The following BRWD3 variants were observed in gnomAD, a reference collection of about 807,000 sequenced individuals.
BRWD3 encodes bromodomain and WD repeat-containing protein 3.
In BRWD3, 10 loss-of-function variants were observed where a neutral mutation model predicts 149.7. The ratio of observed to expected loss-of-function variants is 0.07; its 90% CI spans 0.04 to 0.11. The LOEUF is 0.11. Ranked by LOEUF, BRWD3 falls within the 10% of genes least tolerant of loss-of-function variation. The pLI, the probability that BRWD3 is intolerant of heterozygous loss-of-function variation, is 1.00. For synonymous variants in BRWD3, 504 were observed against 456.7 expected (o/e 1.10, Z -1.32); for missense variants, 940 against 1,373.2 (o/e 0.68, Z 4.99).
Position 80,682,060 on chromosome X carries a change from G to C in BRWD3, c.4432C>G (p.Pro1478Ala). Residue 1478 changes from proline to alanine, a missense_variant, in exon 39 of 41, where the codon CCT becomes GCT. This residue lies in a region of BRWD3 where 349 missense variants were observed against 419.6 expected (regional missense o/e 0.83). Transcript: ENST00000373275. ...ACTGAGGTATTCTGGTCATTTTTAG[G>C]CTGCAACTTCATTTGTTTCTGCTTC... is the stretch of plus-strand genomic sequence containing the variant. ...KGKQKQMKLQ[P>A]KNDQNTSVSH... 8.3e-7 allele frequency: 1 copy of C among 1,209,076 alleles called. No homozygotes were observed. Among genetic ancestry groups the C allele is most frequent in the Non-Finnish European group, 1.1e-6 (1 of 893,781 alleles).
chrX:80,735,921 T>C, intron 9 of BRWD3, 67 bp downstream of exon 9: 3 of 681,707 alleles, frequency 4.4e-6, no homozygotes, highest in Non-Finnish European at 6.9e-6. Flanking sequence ...ATACATGGAC[T>C]ATTAAGAATC....
At chrX:80,793,498 A>G in intron 5 of BRWD3, 124 bp downstream of exon 5, 2 of 778,250 alleles carry the variant, frequency 2.6e-6, no homozygotes, top group Non-Finnish European at 3.6e-6. Context: ...GAAAACAAAA[A>G]CAACATTGGC....
chrX:80,704,729 A>T lies in BRWD3; in HGVS notation c.2670T>A (p.Asn890Lys). 1 of 1,209,433 alleles carries T rather than the reference A, an allele frequency of 8.3e-7. No individual in the cohort carries two copies. Residue 890 changes from asparagine to lysine, a missense_variant, in exon 23 of 41, where the codon AAT becomes AAA. Physicochemically the swap from Asn to Lys is moderately conservative, Grantham distance 94. Transcript: ENST00000373275. ...TCTGCCTTTCTTCTAGGGACTTCAA[A>T]TTTTCCTCATCAGAGCTGCTGCATA... Reference protein sequence around the residue: ...RKICSSSDEENLKSLEERQKK... With the variant: ...RKICSSSDEEKLKSLEERQKK...
At chrX:80,779,193 C>A (rs772227764) in intron 6 of BRWD3, among the ~76,000 whole-genome samples, 23 of 109,717 alleles carry the variant, frequency 2.1e-4, no homozygotes, top group African/African-American at 6.0e-4. Flanking sequence ...CGCATGCCTG[C>A]AATCCCAGCT....
intron 6 of BRWD3, among the ~76,000 whole-genome samples, chrX:80,766,884 T>A (rs1250449902): frequency 8.9e-6 from 1 of 112,069 alleles, no homozygotes; most frequent in African/African-American, 3.2e-5. Context: ...AGACAGCACC[T>A]GGAAAACTGG....
intron 40 of BRWD3, among the ~76,000 whole-genome samples, chrX:80,679,813 A>T (rs903218643): frequency 1.6e-4 from 18 of 111,210 alleles, no homozygotes; most frequent in African/African-American, 5.2e-4. Flanking sequence ...GTCGGGACAG[A>T]CACCGTACTA....
chrX:80,743,985 T>C, intron 8 of BRWD3, 47 bp downstream of exon 8: 1 of 1,033,335 alleles, frequency 9.7e-7, no homozygotes, highest in Admixed American at 2.3e-5. Flanking sequence ...CAGAGAATTC[T>C]CACCTTTTTT....
At chrX:80,773,286 A>G (rs767558942) in intron 6 of BRWD3, among the ~76,000 whole-genome samples, 7 of 111,342 alleles carry the variant, frequency 6.3e-5, no homozygotes, top group Non-Finnish European at 1.1e-4. Context: ...CTGAGTCTTA[A>G]GCCAAACATC....
At chrX:80,697,981 T>C (rs1042875806) in intron 25 of BRWD3, among the ~76,000 whole-genome samples, 2 of 112,359 alleles carry the variant, frequency 1.8e-5, no homozygotes, top group South Asian at 7.4e-4. Context: ...TTTGTTTGTT[T>C]TGAATTTTTA....
intron 6 of BRWD3, among the ~76,000 whole-genome samples, 172 bp from the exon 7 acceptor site, chrX:80,745,901 A>G (rs1345597318): frequency 9.0e-6 from 1 of 110,945 alleles, no homozygotes; most frequent in Non-Finnish European, 1.9e-5. Flanking sequence ...CCAGTTTACT[A>G]CAAGAAAGCA....
Position 80,695,951 on chromosome X carries a change from T to A in BRWD3, c.3108A>T (p.Leu1036=). 1 of 1,210,597 alleles carries A rather than the reference T, an allele frequency of 8.3e-7. No homozygotes were observed. The highest frequency in any genetic ancestry group is 1.8e-5 in the South Asian group (1 of 56,919). Residue 1036 remains leucine (L), a synonymous_variant, in exon 27 of 41, where the codon CTA becomes CTT. Coordinates refer to ENST00000373275, the MANE Select transcript of BRWD3 (RefSeq NM_153252.5). Reference sequence around the variant, plus strand: ...CTTTGGCTTCATTATAAAACTGATGTAGCACAAGGAAGTCAATGACATCCG... The same window carrying A: ...CTTTGGCTTCATTATAAAACTGATGAAGCACAAGGAAGTCAATGACATCCG... The part of the protein sequence containing the change: ...DMPDVIDFLV[L]HQFYNEAKER...
chrX:80,753,026 T>C (rs897501676), intron 6 of BRWD3, among the ~76,000 whole-genome samples: 1 of 111,769 alleles, frequency 8.9e-6, no homozygotes, highest in Non-Finnish European at 1.9e-5. Context: ...TACCTATTTA[T>C]GTCTTTAACC....
At chrX:80,684,216 T>C in intron 36 of BRWD3, 54 bp from the exon 37 acceptor site, 4 of 1,084,057 alleles carry the variant, frequency 3.7e-6, no homozygotes, top group Non-Finnish European at 5.1e-6. Flanking sequence ...AGGAATACAA[T>C]GGGACTAAAA....
At chrX:80,800,441 G>A (rs1472335369) in intron 4 of BRWD3, among the ~76,000 whole-genome samples, 2 of 105,916 alleles carry the variant, frequency 1.9e-5, no homozygotes, top group African/African-American at 6.9e-5. Context: ...ATCAGAGGCT[G>A]AGGTGGGAGG....
At position 80,676,937 on chromosome X, in the gene BRWD3, C is replaced by T. The variant is rs1332082581; in HGVS notation, c.5081G>A (p.Arg1694Gln). The T allele has an allele frequency of 2.5e-6, 3 of 1,202,060 alleles. No homozygotes were observed. Among genetic ancestry groups the T allele is most frequent in the Non-Finnish European group, 3.4e-6 (3 of 887,263 alleles). ...ACCTCCACCTCTTCCTCGACTCCCT[C>T]GTCCCCTGCCTCCTCTTCCTCTGCC... ...RGGRGRGGRG[R>Q]GSRGRGGGGT... Residue 1694 changes from arginine to glutamine, a missense_variant, in exon 41 of 41, where the codon CGA (arginine) becomes CAA (glutamine). Around this residue, in one of 6 missense-constraint regions of BRWD3, gnomAD observed 349 missense variants for 419.6 expected, o/e 0.83. Coordinates refer to ENST00000373275, the MANE Select transcript of BRWD3 (RefSeq NM_153252.5).
chrX:80,696,454 CAT>C (rs965227597), intron 26 of BRWD3, among the ~76,000 whole-genome samples: 4 of 106,831 alleles, frequency 3.7e-5, no homozygotes, highest in Non-Finnish European at 7.7e-5. Context: ...CAAATGAAGA[CAT>C]AAATTCAGAG....
At chrX:80,796,911 T>G (rs1375724360) in intron 4 of BRWD3, among the ~76,000 whole-genome samples, 2 of 111,617 alleles carry the variant, frequency 1.8e-5, no homozygotes, top group Non-Finnish European at 3.8e-5. Context: ...CGGTGGCTCA[T>G]GCCTGTAATC....
chrX:80,677,501 C>A, intron 40 of BRWD3, 138 bp from the exon 41 acceptor site: 1 of 907,153 alleles, frequency 1.1e-6, no homozygotes, highest in Non-Finnish European at 1.5e-6. Flanking sequence ...ACTTAAATTT[C>A]TTCAAAATAG....
At chrX:80,789,020 A>T (rs2074146471) in intron 6 of BRWD3, among the ~76,000 whole-genome samples, 1 of 111,996 alleles carries the variant, frequency 8.9e-6, no homozygotes, top group South Asian at 3.7e-4. Context: ...ATTTGTCAAA[A>T]CTTATTGAAC....
Sources: gnomAD v4.1 joint callset for allele counts (sites outside exome capture counted in the v4.1 genomes callset) on GRCh38, gnomAD v4.1.1 for gene constraint, gnomAD v4.1.1 regional missense constraint, MANE v1.5 for transcripts, NCBI Gene and HGNC (gene_info 2026-07-23, HGNC 2026-07-21) for gene names.